The following SEMA3A variants were observed in gnomAD, a reference collection of about 807,000 sequenced individuals.
SEMA3A encodes semaphorin 3A, also known as semaphorin-3A.
Under a neutral mutation model 97.9 loss-of-function variants are expected in SEMA3A, and 29 were observed. The ratio of observed to expected loss-of-function variants is 0.30; its 90% confidence interval spans 0.22 to 0.40. The LOEUF (loss-of-function observed/expected upper bound fraction) is 0.40, where lower values mean the gene tolerates loss of function less well. Ranked by LOEUF, SEMA3A falls within the 10% of genes least tolerant of loss-of-function variation. The probability of loss-of-function intolerance (pLI) is 1.00; values close to 1 mark genes in which losing one functional copy is unlikely to be tolerated. For missense variants in SEMA3A, 763 were observed against 951.3 expected, an observed-to-expected ratio of 0.80 and a Z score of 2.60; for synonymous variants, 321 against 323.7, an observed-to-expected ratio of 0.99 and a Z score of 0.09.
intron 1 of SEMA3A, among the ~76,000 whole-genome samples, chr7:84,373,804 C>G (rs1310504664): frequency 6.6e-6 from 1 of 152,104 alleles, no homozygotes; most frequent in African/African-American, 2.4e-5. Context: ...ATACATAGTA[C>G]TTTGTCTAGT....
At chr7:84,317,746 A>G (rs1300453069) in intron 2 of SEMA3A, among the ~76,000 whole-genome samples, 1 of 152,184 alleles carries the variant, frequency 6.6e-6, no homozygotes, top group Non-Finnish European at 1.5e-5. Flanking sequence ...TATTTAACTG[A>G]AATAACTGTT....
intron 1 of SEMA3A, among the ~76,000 whole-genome samples, chr7:84,485,971 A>G (rs1584357866): frequency 6.6e-6 from 1 of 152,214 alleles, no homozygotes; most frequent in Non-Finnish European, 1.5e-5. Flanking sequence ...TTTCTTGGCC[A>G]GAGAAAGAAA....
intron 2 of SEMA3A, among the ~76,000 whole-genome samples, chr7:84,367,161 G>A (rs559385548): frequency 6.6e-6 from 1 of 151,388 alleles, no homozygotes; most frequent in East Asian, 1.9e-4. Flanking sequence ...GGCTAGAGTA[G>A]AAGTAAGAAA....
chr7:84,275,714 C>G (rs1800276627), intron 3 of SEMA3A, among the ~76,000 whole-genome samples: 1 of 151,766 alleles, frequency 6.6e-6, no homozygotes, highest in South Asian at 2.1e-4. Flanking sequence ...GCCACATGTG[C>G]CTACTGAACA....
intron 1 of SEMA3A, among the ~76,000 whole-genome samples, chr7:84,374,492 A>G (rs1407197132): frequency 2.6e-5 from 4 of 152,202 alleles, no homozygotes; most frequent in Non-Finnish European, 4.4e-5. Flanking sequence ...ATACGCAAGT[A>G]CAATGAAATG....
upstream of SEMA3A, among the ~76,000 whole-genome samples, chr7:84,198,964 T>C (rs1305302077): frequency 6.6e-6 from 1 of 152,208 alleles, no homozygotes; most frequent in African/African-American, 2.4e-5. Flanking sequence ...ACATTGGCTA[T>C]GTATTTTTTA....
At chr7:84,255,021 T>C (rs977405109) in intron 3 of SEMA3A, among the ~76,000 whole-genome samples, 2 of 152,042 alleles carry the variant, frequency 1.3e-5, no homozygotes, top group Admixed American at 6.6e-5. Flanking sequence ...AAGGTTCAAG[T>C]GAAAAGCAGA....
chr7:84,071,869 T>G (rs2115756086), intron 4 of SEMA3A, among the ~76,000 whole-genome samples: 1 of 152,182 alleles, frequency 6.6e-6, no homozygotes, highest in East Asian at 1.9e-4. Flanking sequence ...GTGAAAAAAT[T>G]AGTAACTGGT....
At chr7:84,312,885 T>C (rs1181364501) in intron 2 of SEMA3A, among the ~76,000 whole-genome samples, 40 of 40,122 alleles carry the variant, frequency 1.0e-3, no homozygotes, top group South Asian at 2.1e-3. Flanking sequence ...TATATATATA[T>C]ATATATATAT....
At chr7:84,319,029 T>A (rs931071000) in intron 2 of SEMA3A, among the ~76,000 whole-genome samples, 1 of 152,202 alleles carries the variant, frequency 6.6e-6, no homozygotes, top group African/African-American at 2.4e-5. Flanking sequence ...TGGACATTTA[T>A]TATAATTCAA....
rs142249294 is a variant in SEMA3A at position 84,056,196 on chromosome 7, G to A, written c.547+4269C>T. ...TGGAAGCTTTCTTAACTCTCTCACA[G>A]GAGAGCATACTTTACTGAGATGAAC... On this transcript the variant is annotated intron_variant, in intron 5 of 16. Transcript: ENST00000265362. 3.4e-3 allele frequency among the ~76,000 whole-genome samples: 521 copies of A among 151,230 alleles called. 4 individuals carry two copies. The highest frequency in any genetic ancestry group is 0.031 in the Middle Eastern group (9 of 294).
chr7:84,214,564 T>G (rs965863247), intron 3 of SEMA3A, among the ~76,000 whole-genome samples: 1 of 152,108 alleles, frequency 6.6e-6, no homozygotes, highest in Admixed American at 6.6e-5. Flanking sequence ...TCTTCTCACC[T>G]CAGAAGAGTT....
Position 84,353,613 on chromosome 7 carries a change from T to C in SEMA3A, c.-169+18211A>G, listed in dbSNP as rs529386614. Among the ~76,000 whole-genome samples, 313 of 151,820 alleles carry C rather than the reference T, an allele frequency of 2.1e-3. 2 individuals carry two copies. The highest frequency in any genetic ancestry group is 3.8e-3 in the Non-Finnish European group (259 of 67,700). Reference sequence around the variant, plus strand: ...TTCAGATGGGTAAAGCATACTTCAATGTCTATGAGTAAATTAATACAAAAT... The same window carrying C: ...TTCAGATGGGTAAAGCATACTTCAACGTCTATGAGTAAATTAATACAAAAT... On this transcript the variant is annotated intron_variant, in intron 2 of 3. Transcript: ENST00000424555.
chr7:84,395,187 C>T (rs966688262), intron 1 of SEMA3A, among the ~76,000 whole-genome samples: 3 of 151,862 alleles, frequency 2.0e-5, no homozygotes, highest in East Asian at 3.9e-4. Flanking sequence ...AATTTATTAC[C>T]GTAACATAGT....
At chr7:84,081,034 T>G (rs1408787882) in intron 4 of SEMA3A, among the ~76,000 whole-genome samples, 1 of 152,020 alleles carries the variant, frequency 6.6e-6, no homozygotes, top group Non-Finnish European at 1.5e-5. Flanking sequence ...TGTGTTACAT[T>G]TGTTCAAATT....
chr7:84,285,864 G>A (rs760101607), intron 3 of SEMA3A, among the ~76,000 whole-genome samples: 6 of 151,652 alleles, frequency 4.0e-5, no homozygotes, highest in South Asian at 2.1e-4. Flanking sequence ...ACCTGAGTTG[G>A]GGATGTCCAG....
rs141424638 is a variant in SEMA3A, at chr7:84,391,220, C to T, written c.-245-19320G>A. The stretch of plus-strand genomic sequence containing the variant: ...CAATTATAAGCCATGCCTACATATC[C>T]TAGCTTAAATATGTGTCAGCAATTG... On this transcript the variant is annotated intron_variant, in intron 1 of 3. Transcript: ENST00000424555. 2.1e-4 allele frequency among the ~76,000 whole-genome samples: 32 copies of T among 152,256 alleles called. No homozygotes were observed. In the East Asian group the frequency reaches 6.0e-3, roughly 28 times the overall value.
chr7:84,029,975 G>A (rs943559506), intron 6 of SEMA3A, among the ~76,000 whole-genome samples: 5 of 151,940 alleles, frequency 3.3e-5, no homozygotes, highest in East Asian at 1.9e-4. Context: ...CATTGTCAAC[G>A]TAAGACATGT....
chr7:84,374,806 A>G (rs930482497), intron 1 of SEMA3A, among the ~76,000 whole-genome samples: 5 of 152,148 alleles, frequency 3.3e-5, no homozygotes, highest in African/African-American at 9.7e-5. Context: ...AATTGTTTTT[A>G]AAGTATATGA....
Sources: allele counts gnomAD v4.1 joint callset (sites outside exome capture counted in the v4.1 genomes callset), GRCh38; gene constraint gnomAD v4.1.1; transcripts MANE v1.5; gene names NCBI Gene and HGNC (gene_info 2026-07-23, HGNC 2026-07-21).